Variants in CSGALNACT1 observed in about 807,000 individuals in gnomAD.
CSGALNACT1 encodes beta4GalNAcT-1.
A neutral mutation model predicts 51.0 loss-of-function variants in CSGALNACT1; 52 were observed. That is an observed-to-expected ratio of 1.02 (90% CI 0.82 to 1.29). CSGALNACT1 has a LOEUF of 1.29. CSGALNACT1 is among the 50% of genes most tolerant of loss of function. CSGALNACT1 has a pLI of 0.00. For missense variants in CSGALNACT1, 935 were observed against 679.2 expected, an observed-to-expected ratio of 1.38 and a Z score of -4.19; for synonymous variants, 341 against 254.4, an observed-to-expected ratio of 1.34 and a Z score of -3.24.
intron 6 of CSGALNACT1, among the ~76,000 whole-genome samples, chr8:19,421,012 C>G (rs1372083415): frequency 6.6e-6 from 1 of 152,206 alleles, no homozygotes; most frequent in Non-Finnish European, 1.5e-5. Context: ...GATTTAAACC[C>G]AGATTCCTTC....
chr8:19,749,652 C>G (rs1374987368), intron 1 of CSGALNACT1, among the ~76,000 whole-genome samples: 1 of 152,176 alleles, frequency 6.6e-6, no homozygotes, highest in Non-Finnish European at 1.5e-5. Context: ...GTCTACAGAA[C>G]TGCAAGCAGG....
intron 3 of CSGALNACT1, among the ~76,000 whole-genome samples, chr8:19,506,599 C>T (rs1435994275): frequency 6.6e-6 from 1 of 152,136 alleles, no homozygotes; most frequent in Non-Finnish European, 1.5e-5. Context: ...GGAGGTGGGG[C>T]CTGGTGGGAA....
chr8:19,427,616 G>A (rs865949503), intron 6 of CSGALNACT1, among the ~76,000 whole-genome samples: 1 of 152,060 alleles, frequency 6.6e-6, no homozygotes. Context: ...GTGAAACCCT[G>A]TCTCTACTAA....
At chr8:19,525,494 A>G (rs1587826520) in intron 3 of CSGALNACT1, among the ~76,000 whole-genome samples, 1 of 151,490 alleles carries the variant, frequency 6.6e-6, no homozygotes, top group Non-Finnish European at 1.5e-5. Flanking sequence ...GTGCATGTCT[A>G]TAGTCCCTGC....
At chr8:19,439,240 A>C (rs1423061595) in intron 6 of CSGALNACT1, among the ~76,000 whole-genome samples, 1 of 152,240 alleles carries the variant, frequency 6.6e-6, no homozygotes, top group Non-Finnish European at 1.5e-5. Flanking sequence ...ACTAGGTATA[A>C]ATGTACAACT....
At chr8:19,518,681 C>G (rs780990508) in intron 3 of CSGALNACT1, among the ~76,000 whole-genome samples, 4 of 152,150 alleles carry the variant, frequency 2.6e-5, no homozygotes, top group African/African-American at 9.7e-5. Flanking sequence ...CATGTGTGTC[C>G]GTGTCCTCAG....
intron 6 of CSGALNACT1, among the ~76,000 whole-genome samples, chr8:19,425,388 G>A (rs575851275): frequency 1.1e-4 from 17 of 152,284 alleles, no homozygotes; most frequent in Middle Eastern, 3.4e-3. Flanking sequence ...TTCACTGACA[G>A]TAGCTGTAAC....
At chr8:19,733,903 G>C (rs1409430929) in intron 1 of CSGALNACT1, among the ~76,000 whole-genome samples, 1 of 152,128 alleles carries the variant, frequency 6.6e-6, no homozygotes, top group Non-Finnish European at 1.5e-5. Flanking sequence ...CTCCAGCTTA[G>C]AATTCATGAC....
chr8:19,542,200 A>AACACACACACACAC lies in CSGALNACT1; in HGVS notation c.-296-36084_-296-36071dup, dbSNP rs55968136. 6.4e-3 allele frequency among the ~76,000 whole-genome samples: 923 copies of AACACACACACACAC among 144,000 alleles called. 12 individuals carry two copies. Among genetic ancestry groups the AACACACACACACAC allele is most frequent in the East Asian group, 0.025 (120 of 4,730 alleles). 94.5% of individuals were successfully genotyped at this position (144,000 alleles called of 152,430 possible). A position where few individuals can be genotyped will look rare whatever the true frequency, so the allele number is the denominator to read the frequency against. Reference sequence around the variant, plus strand: ...AAGAAAGAAGAGAGACAGCACAAGAAACACACACACACACACACACACACA... The same window carrying AACACACACACACAC: ...AAGAAAGAAGAGAGACAGCACAAGAAACACACACACACACACACACACACACACACACACACACA... On this transcript the variant is annotated intron_variant, in intron 3 of 9. Transcript: ENST00000454498.
At chr8:19,715,203 C>T (rs371404383) in intron 1 of CSGALNACT1, among the ~76,000 whole-genome samples, 1 of 152,140 alleles carries the variant, frequency 6.6e-6, no homozygotes, top group African/African-American at 2.4e-5. Flanking sequence ...TTCACTACCA[C>T]GAGAACAGTA....
chr8:19,670,756 G>A (rs956742757), intron 1 of CSGALNACT1, among the ~76,000 whole-genome samples: 1 of 151,432 alleles, frequency 6.6e-6, no homozygotes, highest in African/African-American at 2.4e-5. Context: ...CAGCATATGT[G>A]CTTAAAGCAT....
In CSGALNACT1 at chr8:19,619,356, T is replaced by C. The variant is rs185896097; in HGVS notation, c.-543-17491A>G. 1.4e-3 allele frequency among the ~76,000 whole-genome samples: 219 copies of C among 151,342 alleles called. 1 individual carries two copies. In the East Asian group the frequency reaches 0.022, roughly 15 times the overall value. On this transcript the variant is annotated intron_variant, in intron 1 of 9. Transcript: ENST00000332246. The stretch of plus-strand genomic sequence containing the variant: ...GGAATTTGAGATGCCTACAGGAGTG[T>C]GGAAGGGAGCGAGTCTATAGAGGAG...
intron 8 of CSGALNACT1, among the ~76,000 whole-genome samples, chr8:19,411,664 C>G (rs1446222149): frequency 1.3e-5 from 2 of 152,128 alleles, no homozygotes; most frequent in Admixed American, 6.5e-5. Flanking sequence ...AACTTTGCTG[C>G]AAGTGTGAGA....
rs58262538 is a variant in CSGALNACT1, at chr8:19,610,289, CA to C, written c.-543-8425del. Among the ~76,000 whole-genome samples, 403 of 47,634 alleles carry C rather than the reference CA, an allele frequency of 8.5e-3. 1 individual carries two copies. The highest frequency in any genetic ancestry group is 0.019 in the African/African-American group (227 of 12,072). The allele number at this position is 47,634 out of a possible 152,430, so 31.2% of individuals were successfully genotyped here. ...TGGGCGACAGAGTACGACTCCGTCT[CA>C]AAAAAAAAAAAAAAAAAAAAAGATA... On this transcript the variant is annotated intron_variant, in intron 1 of 9. Transcript: ENST00000332246.
chr8:19,650,056 T>G (rs1170097768), intron 1 of CSGALNACT1, among the ~76,000 whole-genome samples: 1 of 152,090 alleles, frequency 6.6e-6, no homozygotes. Flanking sequence ...TTCCCAAACT[T>G]TCATGTGTAT....
At chr8:19,727,409 A>G (rs919368586) in intron 1 of CSGALNACT1, among the ~76,000 whole-genome samples, 6 of 152,092 alleles carry the variant, frequency 3.9e-5, no homozygotes, top group Non-Finnish European at 7.4e-5. Context: ...GTGCAGTGGT[A>G]TGATCACGGC....
At chr8:19,530,184 G>A (rs1587900512) in intron 3 of CSGALNACT1, among the ~76,000 whole-genome samples, 1 of 152,038 alleles carries the variant, frequency 6.6e-6, no homozygotes, top group East Asian at 1.9e-4. Flanking sequence ...TCACGCCACT[G>A]CACTCCAGCC....
chr8:19,478,724 T>C (rs953804945), intron 4 of CSGALNACT1, among the ~76,000 whole-genome samples: 14 of 152,198 alleles, frequency 9.2e-5, no homozygotes, highest in African/African-American at 3.4e-4. Flanking sequence ...TCTCCACTGC[T>C]GAATTGCTCC....
chr8:19,456,202 C>G (rs754404630), intron 5 of CSGALNACT1, among the ~76,000 whole-genome samples: 1 of 152,192 alleles, frequency 6.6e-6, no homozygotes, highest in Non-Finnish European at 1.5e-5. Flanking sequence ...TCTGCTGACA[C>G]TAAGGAAATA....
Sources: allele counts gnomAD v4.1 joint callset (sites outside exome capture counted in the v4.1 genomes callset), GRCh38; gene constraint gnomAD v4.1.1; transcripts MANE v1.5; gene names NCBI Gene and HGNC (gene_info 2026-07-23, HGNC 2026-07-21).